SLC22A23: variants seen among roughly 807,000 people sequenced by gnomAD.
The protein encoded by SLC22A23 is solute carrier family 22 member 23.
A neutral mutation model predicts 61.0 loss-of-function variants in SLC22A23; 26 were observed. That is an observed-to-expected ratio of 0.43 (90% confidence interval 0.31 to 0.59). The LOEUF (loss-of-function observed/expected upper bound fraction) is 0.59. Ranked by LOEUF, SLC22A23 falls within the 20% of genes least tolerant of loss-of-function variation. The probability of loss-of-function intolerance (pLI) is 0.11; values close to 1 mark genes in which losing one functional copy is unlikely to be tolerated. For missense variants in SLC22A23, 796 were observed against 934.7 expected (o/e 0.85, Z 1.94); for synonymous variants, 430 against 413.9 (o/e 1.04, Z -0.47).
At chr6:3,429,261 A>G (rs945168917) in intron 1 of SLC22A23, among the ~76,000 whole-genome samples, 2 of 152,212 alleles carry the variant, frequency 1.3e-5, no homozygotes, top group Non-Finnish European at 2.9e-5. Context: ...TCTGCCTTTA[A>G]TCCAAGAAAA....
At chr6:3,316,537 C>G (rs904606007) in intron 4 of SLC22A23, among the ~76,000 whole-genome samples, 3 of 152,246 alleles carry the variant, frequency 2.0e-5, no homozygotes, top group African/African-American at 7.2e-5. Flanking sequence ...GACACCTCCA[C>G]CCCTAGAAAA....
chr6:3,445,894 T>C (rs919167925), intron 1 of SLC22A23, among the ~76,000 whole-genome samples: 2 of 151,910 alleles, frequency 1.3e-5, no homozygotes, highest in African/African-American at 4.8e-5. Flanking sequence ...GCTGCAGTGA[T>C]GGGGAGCCAT....
intron 2 of SLC22A23, among the ~76,000 whole-genome samples, chr6:3,415,477 C>T (rs1317869319): frequency 2.6e-5 from 4 of 152,190 alleles, no homozygotes; most frequent in Admixed American, 6.5e-5. Flanking sequence ...TCTAATGAAA[C>T]GTCAAAGGTT....
Position 3,294,978 on chromosome 6 carries a change from T to G in SLC22A23, c.1210+3113A>C, listed in dbSNP as rs540020209. On this transcript the variant is annotated intron_variant, in intron 5 of 9. Coordinates refer to ENST00000406686, the MANE Select transcript of SLC22A23 (RefSeq NM_015482.2). ...TCCAGCCAGGCCCGAGACGCTTACT[T>G]ACCCAGTGGCAATGCAACCGCAATC... is the stretch of plus-strand genomic sequence containing the variant. 7.2e-5 allele frequency among the ~76,000 whole-genome samples: 11 copies of G among 152,318 alleles called. No homozygotes were observed. In the South Asian group the frequency reaches 2.3e-3, roughly 32 times the overall value.
chr6:3,422,209 G>T (rs1223825332), intron 1 of SLC22A23, among the ~76,000 whole-genome samples: 1 of 152,140 alleles, frequency 6.6e-6, no homozygotes, highest in Non-Finnish European at 1.5e-5. Context: ...GAGAAATGTA[G>T]GGTCAGCATT....
At chr6:3,406,780 AC>A (rs1347158316) in intron 3 of SLC22A23, among the ~76,000 whole-genome samples, 1 of 152,114 alleles carries the variant, frequency 6.6e-6, no homozygotes, top group Non-Finnish European at 1.5e-5. Context: ...TTACACAACC[AC>A]ATCTCCCTTT....
At position 3,452,546 on chromosome 6, in the gene SLC22A23, C is replaced by T. The variant is rs749577866; in HGVS notation, c.654+3360G>A. On this transcript the variant is annotated intron_variant, in intron 1 of 9. Coordinates refer to ENST00000406686, the MANE Select transcript of SLC22A23 (RefSeq NM_015482.2). ...CCTGGGAGGTGGAGGCTTCAGAGAG[C>T]TGTGATATCGTACCACTGGACTCCA... is the stretch of plus-strand genomic sequence containing the variant. 1.7e-3 allele frequency among the ~76,000 whole-genome samples: 219 copies of T among 128,702 alleles called. 1 individual carries two copies. Among genetic ancestry groups the T allele is most frequent in the Non-Finnish European group, 3.7e-4 (24 of 64,636 alleles). 84.4% of individuals were successfully genotyped at this position (128,702 alleles called of 152,430 possible). A position where few individuals can be genotyped will look rare whatever the true frequency, so the allele number is the denominator to read the frequency against.
At chr6:3,441,371 G>A (rs1280878190) in intron 1 of SLC22A23, among the ~76,000 whole-genome samples, 1 of 152,250 alleles carries the variant, frequency 6.6e-6, no homozygotes, top group Middle Eastern at 3.4e-3. Flanking sequence ...GTCTACTGGG[G>A]GAAAAAAATC....
chr6:3,389,038 C>T (rs1174976445), intron 3 of SLC22A23, among the ~76,000 whole-genome samples: 2 of 151,858 alleles, frequency 1.3e-5, no homozygotes, highest in Non-Finnish European at 2.9e-5. Context: ...GAGGCTGCGG[C>T]GGGCAGATCA....
chr6:3,287,757 C>T (rs1274068485), intron 6 of SLC22A23, among the ~76,000 whole-genome samples: 1 of 151,416 alleles, frequency 6.6e-6, no homozygotes, highest in African/African-American at 2.4e-5. Flanking sequence ...GATCTCAGCT[C>T]ACTGCAACCT....
intron 3 of SLC22A23, among the ~76,000 whole-genome samples, chr6:3,397,493 G>A (rs1768089236): frequency 6.6e-6 from 1 of 152,192 alleles, no homozygotes; most frequent in Non-Finnish European, 1.5e-5. Flanking sequence ...GGAATTAGAG[G>A]TCTCAGTTTC....
chr6:3,437,829 CCT>C (rs1771328163), intron 1 of SLC22A23, among the ~76,000 whole-genome samples: 1 of 148,600 alleles, frequency 6.7e-6, no homozygotes, highest in African/African-American at 2.5e-5. Context: ...CTCACTGCAA[CCT>C]CTGCCTCCCA....
chr6:3,279,309 G>A (rs566270343), intron 9 of SLC22A23, among the ~76,000 whole-genome samples: 80 of 151,478 alleles, frequency 5.3e-4, no homozygotes, highest in South Asian at 8.4e-4. Flanking sequence ...TCAGGAGATC[G>A]AGACCACTGT....
At chr6:3,355,381 G>A (rs1765008910) in intron 3 of SLC22A23, among the ~76,000 whole-genome samples, 1 of 152,080 alleles carries the variant, frequency 6.6e-6, no homozygotes, top group African/African-American at 2.4e-5. Flanking sequence ...CAAGCATGCT[G>A]CTCGTGGGTT....
intron 4 of SLC22A23, among the ~76,000 whole-genome samples, chr6:3,314,648 C>T (rs527395430): frequency 6.6e-6 from 1 of 151,332 alleles, no homozygotes; most frequent in South Asian, 2.1e-4. Flanking sequence ...GGGCTATTTA[C>T]ATATTGGAAT....
chr6:3,366,523 C>T (rs1765848930), intron 3 of SLC22A23, among the ~76,000 whole-genome samples: 1 of 151,954 alleles, frequency 6.6e-6, no homozygotes, highest in South Asian at 2.1e-4. Flanking sequence ...CAGTCCCTAG[C>T]ACAGTTCCTG....
chr6:3,421,499 T>C (rs1770132233), intron 1 of SLC22A23, among the ~76,000 whole-genome samples: 3 of 152,218 alleles, frequency 2.0e-5, no homozygotes, highest in Non-Finnish European at 4.4e-5. Flanking sequence ...GATATAATTG[T>C]ATGAAAGCTT....
At chr6:3,413,749 G>GACC (rs1485896473) in intron 2 of SLC22A23, among the ~76,000 whole-genome samples, 1 of 152,214 alleles carries the variant, frequency 6.6e-6, no homozygotes, top group East Asian at 1.9e-4. Context: ...GAGAGGTCTG[G>GACC]AGTTCCCTTT....
At chr6:3,280,417 G>A (rs548177912) in intron 9 of SLC22A23, among the ~76,000 whole-genome samples, 17 of 151,816 alleles carry the variant, frequency 1.1e-4, no homozygotes, top group African/African-American at 3.6e-4. Context: ...AGGCGCTGCC[G>A]GCATGGGACG....
Sources: gnomAD v4.1 joint callset for allele counts (sites outside exome capture counted in the v4.1 genomes callset) on GRCh38, gnomAD v4.1.1 for gene constraint, MANE v1.5 for transcripts, NCBI Gene and HGNC (gene_info 2026-07-23, HGNC 2026-07-21) for gene names.